FER1L6: variants seen among roughly 807,000 people sequenced by gnomAD.
The protein encoded by FER1L6 is fer-1 like family member 6, also known as fer-1-like protein 6.
Under a neutral mutation model 219.2 loss-of-function variants are expected in FER1L6, and 177 were observed. The observed-to-expected ratio is 0.81, with a 90% CI of 0.71 to 0.91. FER1L6 has a LOEUF of 0.91. Ranked by LOEUF, FER1L6 falls within the 40% of genes least tolerant of loss-of-function variation. The pLI is 0.00. For missense variants in FER1L6, 2,153 were observed against 2,259.9 expected (o/e 0.95, Z 0.96); for synonymous variants, 768 against 824.3 (o/e 0.93, Z 1.17).
chr8:123,896,621 A>G (rs1319698035), intron 1 of FER1L6, among the ~76,000 whole-genome samples: 1 of 152,064 alleles, frequency 6.6e-6, no homozygotes, highest in African/African-American at 2.4e-5. Context: ...TCACCTTGAT[A>G]TCTTTTCTAC....
At chr8:123,907,270 C>T (rs759550230) in intron 1 of FER1L6, among the ~76,000 whole-genome samples, 1 of 152,174 alleles carries the variant, frequency 6.6e-6, no homozygotes, top group Non-Finnish European at 1.5e-5. Context: ...CACATACTCA[C>T]ACACAAATCA....
chr8:124,089,875 T>TG (rs1313502224), intron 33 of FER1L6, among the ~76,000 whole-genome samples: 1 of 152,246 alleles, frequency 6.6e-6, no homozygotes, highest in African/African-American at 2.4e-5. Context: ...TCATTAGATA[T>TG]TCTTTATAAT....
At chr8:124,119,527 G>A (rs571561608) in intron 40 of FER1L6, 80 bp from the exon 41 acceptor site, 27 of 942,260 alleles carry the variant, frequency 2.9e-5, no homozygotes, top group Middle Eastern at 2.3e-4. Flanking sequence ...AGTGGGAGTC[G>A]GAAACACTTC....
intron 20 of FER1L6, among the ~76,000 whole-genome samples, chr8:124,045,432 C>T (rs185087581): frequency 9.4e-4 from 143 of 152,234 alleles, no homozygotes; most frequent in Non-Finnish European, 1.7e-3. Context: ...ATTCAGCACA[C>T]CATAAATGCT....
In FER1L6 at chr8:124,111,524, A is replaced by C. The variant is rs1258653438; in HGVS notation, c.5290-7320A>C. On this transcript the variant is annotated intron_variant, in intron 39 of 40. Coordinates refer to ENST00000522917, the MANE Select transcript of FER1L6 (RefSeq NM_001039112.2). This position sits in a 1 kb window ranked among gnomAD's most constrained non-coding sequence, Gnocchi z 5.0. ...TAAAGAGAAAGCAAGTTTATTAAGA[A>C]AGTAAAGGAATAAAAGAATGGCTAC... Among the ~76,000 whole-genome samples, 2 of 152,204 alleles carry C rather than the reference A, an allele frequency of 1.3e-5. No individual in the cohort carries two copies. Among genetic ancestry groups the C allele is most frequent in the Non-Finnish European group, 2.9e-5 (2 of 68,036 alleles).
intron 1 of FER1L6, among the ~76,000 whole-genome samples, chr8:123,875,108 T>C (rs1816983792): frequency 2.6e-5 from 4 of 152,070 alleles, no homozygotes. Flanking sequence ...GGCAGGAGAA[T>C]CGCTTGAACC....
chr8:124,034,788 A>C (rs1418374602), intron 18 of FER1L6, among the ~76,000 whole-genome samples: 4 of 152,228 alleles, frequency 2.6e-5, no homozygotes, highest in African/African-American at 9.6e-5. Context: ...TTGGAACTCC[A>C]GACAGTTGGA....
intron 18 of FER1L6, among the ~76,000 whole-genome samples, chr8:124,028,574 A>G (rs1818818428): frequency 6.6e-6 from 1 of 152,150 alleles, no homozygotes; most frequent in African/African-American, 2.4e-5. Context: ...GTAAATCTCT[A>G]AACTCTCTAA....
chr8:124,084,121 C>A (rs760235130), intron 33 of FER1L6, among the ~76,000 whole-genome samples: 5 of 150,540 alleles, frequency 3.3e-5, no homozygotes, highest in Non-Finnish European at 7.4e-5. Flanking sequence ...TTGTATCCTG[C>A]AACTTTACTG....
At chr8:124,040,124 A>C in intron 20 of FER1L6, 118 bp downstream of exon 20, 1 of 1,348,546 alleles carries the variant, frequency 7.4e-7, no homozygotes, top group East Asian at 2.3e-5. Flanking sequence ...TTGGGTGTGT[A>C]GATGTTTCAG....
chr8:123,883,847 G>A (rs1480057394), intron 1 of FER1L6, among the ~76,000 whole-genome samples: 1 of 152,080 alleles, frequency 6.6e-6, no homozygotes, highest in East Asian at 1.9e-4. Context: ...CATTCATGAG[G>A]GCTCTGTTCT....
At chr8:123,973,084 GT>G (rs1420448994) in intron 6 of FER1L6, among the ~76,000 whole-genome samples, 3 of 152,164 alleles carry the variant, frequency 2.0e-5, no homozygotes, top group East Asian at 3.8e-4. Flanking sequence ...AACACTTTCA[GT>G]TTGGGGGGAC....
intron 1 of FER1L6, among the ~76,000 whole-genome samples, chr8:123,930,220 A>G (rs1188969717): frequency 6.6e-6 from 1 of 152,140 alleles, no homozygotes; most frequent in Non-Finnish European, 1.5e-5. Flanking sequence ...ATTTAGTTCT[A>G]TGTAATTTTA....
intron 1 of FER1L6, among the ~76,000 whole-genome samples, chr8:123,917,799 A>G (rs1342263115): frequency 1.3e-5 from 2 of 152,234 alleles, no homozygotes; most frequent in Non-Finnish European, 2.9e-5. Context: ...CTGTTCTATA[A>G]CCTACTTTTC....
intron 1 of FER1L6, among the ~76,000 whole-genome samples, chr8:123,912,388 C>A (rs1310501431): frequency 6.6e-6 from 1 of 152,084 alleles, no homozygotes; most frequent in East Asian, 1.9e-4. Context: ...CCACATACAC[C>A]TGCACAGCAC....
In FER1L6 at chr8:124,060,603, G is replaced by A. The variant is rs142034213; in HGVS notation, c.3041G>A (p.Arg1014Gln). The part of the protein sequence containing the change: ...MKKVQLLSVD[R>Q]PQALIECGGQ... Reference sequence around the variant, plus strand: ...AAGGTGCAGCTCCTCTCTGTGGATCGGCCTCAGGCTCTCATTGAGTGCGGA... The same window carrying A: ...AAGGTGCAGCTCCTCTCTGTGGATCAGCCTCAGGCTCTCATTGAGTGCGGA... The change falls in exon 24 of 41, where the codon CGG becomes CAG. Residue 1014 changes from arginine (R) to glutamine (Q), a missense_variant. Transcript: ENST00000522917. The A allele has an allele frequency of 4.3e-4, 695 of 1,613,930 alleles. No individual in the cohort carries two copies. The highest frequency in any genetic ancestry group is 5.0e-4 in the Non-Finnish European group (590 of 1,180,000).
chr8:123,928,738 G>A (rs998923982), intron 1 of FER1L6, among the ~76,000 whole-genome samples: 1 of 152,162 alleles, frequency 6.6e-6, no homozygotes, highest in South Asian at 2.1e-4. Flanking sequence ...AAATCCAATG[G>A]ATACAACTGG....
Position 124,119,626 on chromosome 8 carries a change from T to G in FER1L6, c.5410T>G (p.Ser1804Ala). ...CCTCAGCCGCCCAGACACCTCCTTT[T>G]CGTGGTTCATGAGCCCCTTTAAGTG... The part of the protein sequence containing the change: ...AKPNRPDTSF[S>A]WFMSPFKCLY... The change falls in exon 41 of 41, where the codon TCG becomes GCG. Residue 1804 changes from serine to alanine, a missense_variant. By Grantham distance (99) the Ser-to-Ala change is moderately conservative. Coordinates refer to ENST00000522917, the MANE Select transcript of FER1L6 (RefSeq NM_001039112.2). 6.2e-7 allele frequency: 1 copy of G among 1,613,186 alleles called. No individual in the cohort carries two copies. Among genetic ancestry groups the G allele is most frequent in the Non-Finnish European group, 8.5e-7 (1 of 1,179,332 alleles).
At chr8:123,882,958 G>A (rs995908267) in intron 1 of FER1L6, among the ~76,000 whole-genome samples, 38 of 152,284 alleles carry the variant, frequency 2.5e-4, no homozygotes, top group Non-Finnish European at 4.4e-4. Context: ...TATTGATGAT[G>A]GGGAAGGGTA....
Sources: allele counts gnomAD v4.1 joint callset (sites outside exome capture counted in the v4.1 genomes callset), GRCh38; gene constraint gnomAD v4.1.1; non-coding constraint Gnocchi (gnomAD v3.1); transcripts MANE v1.5; gene names NCBI Gene and HGNC (gene_info 2026-07-23, HGNC 2026-07-21).